The following SMG6 variants were observed in gnomAD, a reference collection of about 807,000 sequenced individuals.
SMG6 encodes the protein telomerase-binding protein EST1A.
A neutral mutation model predicts 142.2 loss-of-function variants in SMG6; 66 were observed. That is an observed-to-expected ratio of 0.46 (90% confidence interval 0.38 to 0.57). The LOEUF is 0.57. SMG6 is among the 20% of genes least tolerant of loss of function. SMG6 has a pLI of 0.00. For synonymous variants in SMG6, 779 were observed against 702.4 expected (o/e 1.11, Z -1.72); for missense variants, 1,793 against 1,832.0 (o/e 0.98, Z 0.39).
At chr17:2,149,957 G>C (rs904290850) in intron 13 of SMG6, among the ~76,000 whole-genome samples, 1 of 152,206 alleles carries the variant, frequency 6.6e-6, no homozygotes, top group African/African-American at 2.4e-5. Flanking sequence ...TAGCAGGAGG[G>C]CTAGAAAGGA....
At chr17:2,130,777 C>T (rs1006484445) in intron 13 of SMG6, among the ~76,000 whole-genome samples, 3 of 150,778 alleles carry the variant, frequency 2.0e-5, no homozygotes, top group Non-Finnish European at 2.9e-5. Flanking sequence ...ATAGGCCAGG[C>T]GGGTGGATCA....
At chr17:2,094,518 C>A (rs1481545124) in intron 13 of SMG6, among the ~76,000 whole-genome samples, 2 of 152,040 alleles carry the variant, frequency 1.3e-5, no homozygotes, top group Non-Finnish European at 2.9e-5. Flanking sequence ...GGATTACAGG[C>A]GTGAGCCACT....
At chr17:2,084,675 A>G (rs2068509147) in intron 14 of SMG6, among the ~76,000 whole-genome samples, 1 of 152,206 alleles carries the variant, frequency 6.6e-6, no homozygotes, top group Non-Finnish European at 1.5e-5. Context: ...TGCAGGCCAA[A>G]TGACTGTGTT....
At chr17:2,170,380 A>G (rs1327530118) in intron 13 of SMG6, among the ~76,000 whole-genome samples, 2 of 152,218 alleles carry the variant, frequency 1.3e-5, no homozygotes, top group African/African-American at 4.8e-5. Flanking sequence ...TCTTCTACTC[A>G]GCACCTGTCC....
In SMG6 at chr17:2,137,865, C is replaced by A. The variant is rs912887805; in HGVS notation, c.3357+34793G>T. Among the ~76,000 whole-genome samples, 3 of 152,322 alleles carry A rather than the reference C, an allele frequency of 2.0e-5. No homozygotes were observed. The South Asian group carries it at 6.2e-4, about 32-fold the overall frequency. ...CCTCTGTATCTCCAAGTCAGATCTT[C>A]CTTGTCTTTACAGCAGGAGTGCCTG... On this transcript the variant is annotated intron_variant, in intron 13 of 18. Transcript: ENST00000263073.
intron 12 of SMG6, among the ~76,000 whole-genome samples, chr17:2,184,627 A>G (rs1331957099): frequency 2.2e-5 from 3 of 135,392 alleles, no homozygotes; most frequent in African/African-American, 8.6e-5. Context: ...ATTATACTCC[A>G]GCCCAGGCAA....
chr17:2,129,576 T>C (rs1053576618), intron 13 of SMG6, among the ~76,000 whole-genome samples: 14 of 151,910 alleles, frequency 9.2e-5, no homozygotes, highest in African/African-American at 3.4e-4. Context: ...GGCAGACCAC[T>C]TGAGGTCAGG....
intron 4 of SMG6, among the ~76,000 whole-genome samples, chr17:2,296,012 C>T (rs1454222511): frequency 6.6e-6 from 1 of 152,172 alleles, no homozygotes; most frequent in Non-Finnish European, 1.5e-5. Flanking sequence ...AGACCTACAA[C>T]CTGACTCCTC....
intron 8 of SMG6, among the ~76,000 whole-genome samples, chr17:2,258,964 G>C (rs962323430): frequency 6.6e-6 from 1 of 151,960 alleles, no homozygotes; most frequent in Admixed American, 6.6e-5. Flanking sequence ...TGTAATCCCA[G>C]CTAGTTGGGA....
chr17:2,173,063 G>C, intron 12 of SMG6: 1 of 586,540 alleles, frequency 1.7e-6, no homozygotes, highest in African/African-American at 1.9e-5. Context: ...TTTATGCAAA[G>C]TTGAAATTGA....
At chr17:2,124,619 TAGTC>T (rs1231191997) in intron 13 of SMG6, among the ~76,000 whole-genome samples, 2 of 152,164 alleles carry the variant, frequency 1.3e-5, no homozygotes, top group Non-Finnish European at 1.5e-5. Flanking sequence ...CTATTTTACT[TAGTC>T]AGGTTTCCTG....
intron 13 of SMG6, among the ~76,000 whole-genome samples, chr17:2,113,031 T>A (rs1351979230): frequency 6.6e-6 from 1 of 151,878 alleles, no homozygotes; most frequent in Non-Finnish European, 1.5e-5. Flanking sequence ...GTGCTGGGAT[T>A]ACAGGTGTGA....
chr17:2,244,570 GT>G, intron 9 of SMG6, 87 bp downstream of exon 9: 1 of 1,039,626 alleles, frequency 9.6e-7, no homozygotes, highest in South Asian at 1.3e-5. Flanking sequence ...TGTGCCCTCA[GT>G]TACAAACACA....
At chr17:2,188,759 C>T (rs919232642) in intron 10 of SMG6, among the ~76,000 whole-genome samples, 9 of 152,158 alleles carry the variant, frequency 5.9e-5, no homozygotes, top group African/African-American at 1.2e-4. Flanking sequence ...TTCCCAGGAA[C>T]GGTTACCTCA....
At chr17:2,198,950 TAA>T (rs55660022) in intron 10 of SMG6, among the ~76,000 whole-genome samples, 47,603 of 102,876 alleles carry the variant, frequency 0.46, 9,538 homozygotes, top group Middle Eastern at 0.59. Flanking sequence ...AAAATAAAAT[TAA>T]AAAAAAAAAA....
At chr17:2,256,761 T>C (rs1294514891) in intron 8 of SMG6, among the ~76,000 whole-genome samples, 1 of 145,264 alleles carries the variant, frequency 6.9e-6, no homozygotes, top group African/African-American at 2.5e-5. Flanking sequence ...GGAGACACAG[T>C]GAGACTTAAT....
At chr17:2,125,500 C>T (rs560336394) in intron 13 of SMG6, among the ~76,000 whole-genome samples, 2 of 152,268 alleles carry the variant, frequency 1.3e-5, no homozygotes, top group South Asian at 2.1e-4. Context: ...TAATTAAAAA[C>T]GGAGTTCCAA....
In SMG6 at chr17:2,281,282, T is replaced by C. The variant is rs148032953; in HGVS notation, c.2661+1365A>G. Among the ~76,000 whole-genome samples the C allele has an allele frequency of 6.0e-4, 91 of 152,250 alleles. 1 individual carries two copies. In the East Asian group the frequency reaches 0.017, roughly 28 times the overall value. On this transcript the variant is annotated intron_variant, in intron 8 of 18. Coordinates refer to ENST00000263073, the MANE Select transcript of SMG6 (RefSeq NM_017575.5). ...CTAGAACTAGAGGCCCGCATCACCA[T>C]GCCCAGCCAATTTTGAAAATTTTTT... is the stretch of plus-strand genomic sequence containing the variant.
At position 2,066,402 on chromosome 17, in the gene SMG6, C is replaced by T. The variant is rs1442326441; in HGVS notation, c.3836-723G>A. ...TGTGTGTGTGTGTGTGCCTGTCTGC[C>T]TCCCTATGTGTCTGGGACATGGCTT... is the stretch of plus-strand genomic sequence containing the variant. On this transcript the variant is annotated intron_variant, in intron 16 of 18. Transcript: ENST00000263073. 2.0e-5 allele frequency among the ~76,000 whole-genome samples: 3 copies of T among 150,390 alleles called. No individual in the cohort carries two copies. The East Asian group carries it at 5.8e-4, about 29-fold the overall frequency.
Sources: gnomAD v4.1 joint callset for allele counts (sites outside exome capture counted in the v4.1 genomes callset) on GRCh38, gnomAD v4.1.1 for gene constraint, MANE v1.5 for transcripts, NCBI Gene and HGNC (gene_info 2026-07-23, HGNC 2026-07-21) for gene names.